ANAPC1: variants seen among roughly 807,000 people sequenced by gnomAD.
The protein encoded by ANAPC1 is anaphase-promoting complex subunit 1.
In ANAPC1, 36 loss-of-function variants were observed where a neutral mutation model predicts 208.0. That is an observed-to-expected ratio of 0.17 (90% CI 0.13 to 0.23). The LOEUF (loss-of-function observed/expected upper bound fraction) is 0.23, where lower values mean the gene tolerates loss of function less well. ANAPC1 is among the 10% of genes least tolerant of loss of function. The probability of loss-of-function intolerance (pLI) is 1.00; values close to 1 mark genes in which losing one functional copy is unlikely to be tolerated. For missense variants in ANAPC1, 942 were observed against 2,011.6 expected, an observed-to-expected ratio of 0.47 and a Z score of 10.17; for synonymous variants, 378 against 695.2, an observed-to-expected ratio of 0.54 and a Z score of 7.18.
intron 18 of ANAPC1, among the ~76,000 whole-genome samples, chr2:111,836,343 A>G (rs2104474305): frequency 6.6e-6 from 1 of 152,032 alleles, no homozygotes; most frequent in African/African-American, 2.4e-5. Flanking sequence ...TTAATTTAAA[A>G]GAAATTAAAT....
rs1308050622 is a variant in ANAPC1 at position 111,872,640 on chromosome 2, C to G, written c.601G>C (p.Gly201Arg). Residue 201 changes from glycine to arginine, a missense_variant, in exon 6 of 48, where the codon GGT (glycine) becomes CGT (arginine). Gly to Arg is a moderately radical substitution (Grantham distance 125, BLOSUM62 -2). Coordinates refer to ENST00000341068, the MANE Select transcript of ANAPC1 (RefSeq NM_022662.4). ...GAATAAAATGAATACCTGGGTGAAC[C>G]TGGAGGTACTTCATGTGAAGAAGCG... ...RSASSHEVPP[G>R]SPREPLPTMF... is the part of the protein sequence containing the mutation. 1 of 1,612,080 alleles carries G rather than the reference C, an allele frequency of 6.2e-7. No homozygotes were observed. The highest frequency in any genetic ancestry group is 8.5e-7 in the Non-Finnish European group (1 of 1,178,292).
intron 16 of ANAPC1, among the ~76,000 whole-genome samples, chr2:111,845,446 C>A (rs1038157159): frequency 6.6e-5 from 10 of 152,004 alleles, no homozygotes; most frequent in Non-Finnish European, 1.5e-4. Flanking sequence ...ACCAAATAAC[C>A]AAGTATGTCA....
chr2:111,826,636 A>G (rs1679845673), intron 21 of ANAPC1, among the ~76,000 whole-genome samples: 1 of 150,990 alleles, frequency 6.6e-6, no homozygotes, highest in Non-Finnish European at 1.5e-5. Flanking sequence ...TGTGGTCACT[A>G]TGACCAAAGC....
chr2:111,799,009 G>A (rs1558674709), intron 34 of ANAPC1, among the ~76,000 whole-genome samples: 1 of 151,430 alleles, frequency 6.6e-6, no homozygotes, highest in Non-Finnish European at 1.5e-5. Flanking sequence ...ACTCCAGCCT[G>A]GGCGACAGAG....
chr2:111,773,349 C>T (rs191763838), intron 46 of ANAPC1, among the ~76,000 whole-genome samples: 3 of 152,004 alleles, frequency 2.0e-5, no homozygotes, highest in South Asian at 2.1e-4. Flanking sequence ...GATTACCATC[C>T]GAAAAATGCA....
At chr2:111,842,488 A>C (rs1680817076) in intron 17 of ANAPC1, among the ~76,000 whole-genome samples, 1 of 151,998 alleles carries the variant, frequency 6.6e-6, no homozygotes, top group African/African-American at 2.4e-5. Flanking sequence ...CTAAAAATAC[A>C]AAAAATCAGC....
intron 6 of ANAPC1, among the ~76,000 whole-genome samples, chr2:111,869,034 C>T (rs535537443): frequency 5.3e-5 from 8 of 152,230 alleles, no homozygotes; most frequent in Non-Finnish European, 4.4e-5. Flanking sequence ...ATAAACACGC[C>T]GCTAGTAAAC....
intron 37 of ANAPC1, among the ~76,000 whole-genome samples, 156 bp from the exon 38 acceptor site, chr2:111,792,711 G>A (rs1241151940): frequency 2.3e-4 from 35 of 151,986 alleles, no homozygotes; most frequent in Admixed American, 2.3e-3. Context: ...CCAGCACTTT[G>A]GGAGGCCAAG....
chr2:111,785,800 C>T (rs2686000), intron 39 of ANAPC1, among the ~76,000 whole-genome samples: 35,849 of 140,392 alleles, frequency 0.26, 5,206 homozygotes, highest in African/African-American at 0.37. Context: ...CTCTCAAAAA[C>T]CCCTTTCTAC....
chr2:111,862,184 A>G (rs1682104912), intron 10 of ANAPC1, among the ~76,000 whole-genome samples: 1 of 152,186 alleles, frequency 6.6e-6, no homozygotes, highest in Admixed American at 6.5e-5. Flanking sequence ...GATTACAGGC[A>G]TGAACCACCA....
At chr2:111,767,312 A>T (rs542766437), downstream of ANAPC1, among the ~76,000 whole-genome samples, 1 of 151,602 alleles carries the variant, frequency 6.6e-6, no homozygotes, top group Non-Finnish European at 1.5e-5. Context: ...TTAACAGCCA[A>T]ATGTTTTTCT....
At chr2:111,880,166 G>C (rs1488579202) in intron 2 of ANAPC1, among the ~76,000 whole-genome samples, 1 of 152,114 alleles carries the variant, frequency 6.6e-6, no homozygotes, top group Non-Finnish European at 1.5e-5. Context: ...CTGAGGTCCG[G>C]AGTTCAAGAT....
At chr2:111,817,787 T>C (rs1348323245) in intron 27 of ANAPC1, among the ~76,000 whole-genome samples, 4 of 90,888 alleles carry the variant, frequency 4.4e-5, no homozygotes, top group Non-Finnish European at 5.2e-5. Context: ...TCCTACAACA[T>C]ACATTATACA....
intron 10 of ANAPC1, among the ~76,000 whole-genome samples, chr2:111,858,635 G>A (rs192791461): frequency 2.6e-5 from 4 of 152,154 alleles, no homozygotes; most frequent in East Asian, 1.9e-4. Context: ...GATGGCAGGC[G>A]CCTGTGGTCG....
intron 34 of ANAPC1, among the ~76,000 whole-genome samples, chr2:111,798,492 C>T (rs1419675833): frequency 6.6e-6 from 1 of 151,664 alleles, no homozygotes; most frequent in Non-Finnish European, 1.5e-5. Context: ...ATATCATATA[C>T]AAAATTACTT....
chr2:111,783,773 T>C lies in ANAPC1; in HGVS notation c.5063+124A>G. The C allele has an allele frequency of 4.9e-6, 3 of 614,292 alleles. No homozygotes were observed. In the South Asian group the frequency reaches 6.2e-5, roughly 13 times the overall value. 38.1% of individuals were successfully genotyped at this position (614,292 alleles called of 1,614,324 possible). On this transcript the variant is annotated intron_variant, in intron 42 of 47. Transcript: ENST00000341068. Reference sequence around the variant, plus strand: ...TGTTTTACAGAAGACATACCCTACATATAGTCTTGAATGAGATTAAAGGGT... The same window carrying C: ...TGTTTTACAGAAGACATACCCTACACATAGTCTTGAATGAGATTAAAGGGT...
chr2:111,797,535 G>T (rs71279284), intron 34 of ANAPC1, among the ~76,000 whole-genome samples: 26,273 of 148,478 alleles, frequency 0.18, 2,689 homozygotes, highest in Middle Eastern at 0.29. Flanking sequence ...TCATATCAGT[G>T]ATTAACAAAA....
intron 38 of ANAPC1, among the ~76,000 whole-genome samples, chr2:111,791,726 G>A (rs1444449481): frequency 1.3e-5 from 2 of 152,178 alleles, no homozygotes; most frequent in African/African-American, 4.8e-5. Flanking sequence ...AGACCAGATA[G>A]GGCTATCTTT....
chr2:111,871,489 G>A (rs1329857324), intron 6 of ANAPC1, among the ~76,000 whole-genome samples: 1 of 152,178 alleles, frequency 6.6e-6, no homozygotes, highest in Non-Finnish European at 1.5e-5. Flanking sequence ...GGTGGCTCAT[G>A]CCTATAATCC....
Sources: allele counts gnomAD v4.1 joint callset (sites outside exome capture counted in the v4.1 genomes callset), GRCh38; gene constraint gnomAD v4.1.1; transcripts MANE v1.5; gene names NCBI Gene and HGNC (gene_info 2026-07-23, HGNC 2026-07-21).